The following IGSF9B variants were observed in gnomAD, a reference collection of about 807,000 sequenced individuals.
The protein encoded by IGSF9B is protein turtle homolog B.
A neutral mutation model predicts 143.7 loss-of-function variants in IGSF9B; 48 were observed. The observed-to-expected ratio is 0.33, with a 90% CI of 0.26 to 0.42. The LOEUF (loss-of-function observed/expected upper bound fraction) is 0.42. Ranked by LOEUF, IGSF9B falls within the 20% of genes least tolerant of loss-of-function variation. The probability of loss-of-function intolerance (pLI) is 1.00; values close to 1 mark genes in which losing one functional copy is unlikely to be tolerated. For synonymous variants in IGSF9B, 903 were observed against 833.1 expected, an observed-to-expected ratio of 1.08 and a Z score of -1.44; for missense variants, 1,706 against 1,980.0, an observed-to-expected ratio of 0.86 and a Z score of 2.63.
intron 13 of IGSF9B, 79 bp downstream of exon 13, chr11:133,926,837 C>G (rs329666): frequency 0.042 from 52,035 of 1,252,552 alleles, 1,253 homozygotes; most frequent in Middle Eastern, 0.084. Context: ...CACAGGAGGC[C>G]GACTGCTATA....
chr11:133,956,210 G>A (rs1274885801), intron 1 of IGSF9B, among the ~76,000 whole-genome samples: 2 of 152,138 alleles, frequency 1.3e-5, no homozygotes, highest in Non-Finnish European at 2.9e-5. Context: ...GGCCTTAGAC[G>A]CGGGTGCCGC....
At chr11:133,950,124 C>T (rs1295804499) in intron 1 of IGSF9B, among the ~76,000 whole-genome samples, 1 of 152,190 alleles carries the variant, frequency 6.6e-6, no homozygotes. Flanking sequence ...CCAGGGCTGC[C>T]GTTGGACCCC....
chr11:133,929,257 A>G (rs1843469703), intron 12 of IGSF9B, among the ~76,000 whole-genome samples: 1 of 152,222 alleles, frequency 6.6e-6, no homozygotes, highest in Admixed American at 6.5e-5. Flanking sequence ...ATGTACCCAC[A>G]AAAATTACAA....
In IGSF9B at chr11:133,920,674, T is replaced by C. The variant is rs767195478; in HGVS notation, c.3051A>G (p.Gly1017=). ...GCAGCGTGCTGTTGGATGCATTCTCTCCATTCTCCTCGGGGATGGTGGGGT... is the reference window on the plus strand; with the variant it reads ...GCAGCGTGCTGTTGGATGCATTCTCCCCATTCTCCTCGGGGATGGTGGGGT... ...FGHPTIPEEN[G]ENASNSTLPL... Residue 1017 remains glycine (G), a synonymous_variant, in exon 18 of 20, where the codon GGA becomes GGG. Transcript: ENST00000533871. The C allele has an allele frequency of 1.2e-6, 2 of 1,613,274 alleles. No homozygotes were observed. Among genetic ancestry groups the C allele is most frequent in the Non-Finnish European group, 8.5e-7 (1 of 1,179,716 alleles).
Position 133,922,232 on chromosome 11 carries a change from AAG to A in IGSF9B, c.2282-12_2282-11del, listed in dbSNP as rs1939552798. On this transcript the variant is annotated splice_polypyrimidine_tract_variant and intron_variant, in intron 16 of 19. Transcript: ENST00000533871. ...ATGGAGAGTGGAGGGTCTGGAAGGA[AAG>A]AGAAGGGGAGAGGCTGCTGAGGCCA... The A allele has an allele frequency of 1.2e-6, 2 of 1,611,918 alleles. No homozygotes were observed.
rs551269756 is a variant in IGSF9B, at chr11:133,947,518, C to T, written c.65-1260G>A. On this transcript the variant is annotated intron_variant, in intron 1 of 19. Coordinates refer to ENST00000533871, the MANE Select transcript of IGSF9B (RefSeq NM_001277285.4). ...AGACAGAGAGCCAGCTGGGGACTCC[C>T]GCAGGGGAGGATGCCCAGAGGAGGG... Among the ~76,000 whole-genome samples, 5 of 152,308 alleles carry T rather than the reference C, an allele frequency of 3.3e-5. No individual in the cohort carries two copies. In the South Asian group the frequency reaches 6.2e-4, roughly 19 times the overall value.
At position 133,919,934 on chromosome 11, in the gene IGSF9B, C is replaced by T; in HGVS notation, c.3791G>A (p.Ser1264Asn). The stretch of plus-strand genomic sequence containing the variant: ...GGCGGGCCGGTAGCTGGGACTCCCA[C>T]TGCGGCTGCTCTGGGAGGGGGAGCC... The part of the protein sequence containing the change: ...STGSPSQSSR[S>N]GSPSYRPAMG... Residue 1264 changes from serine (S) to asparagine (N), a missense_variant, in exon 18 of 20, where the codon AGT (serine) becomes AAT (asparagine). Coordinates refer to ENST00000533871, the MANE Select transcript of IGSF9B (RefSeq NM_001277285.4). The T allele has an allele frequency of 1.3e-6, 2 of 1,557,044 alleles. No homozygotes were observed. Among genetic ancestry groups the T allele is most frequent in the Non-Finnish European group, 1.7e-6 (2 of 1,150,642 alleles).
rs1939183215 is a variant in IGSF9B, at chr11:133,904,447, A to G, written c.*4622T>C. On this transcript the variant is annotated 3_prime_UTR_variant, in exon 20 of 20. Transcript: ENST00000533871. ...GCACTTAGTGTTAGAGGCTAATTCT[A>G]GAAGAAGCAAGGAAGATCTAGCTAA... Among the ~76,000 whole-genome samples the G allele has an allele frequency of 6.6e-6, 1 of 152,150 alleles. No homozygotes were observed. Among genetic ancestry groups the G allele is most frequent in the African/African-American group, 2.4e-5 (1 of 41,436 alleles).
chr11:133,932,082 G>A lies in IGSF9B; in HGVS notation c.1099C>T (p.Gln367Ter). The A allele has an allele frequency of 6.2e-7, 1 of 1,613,054 alleles. No individual in the cohort carries two copies. The highest frequency in any genetic ancestry group is 8.5e-7 in the Non-Finnish European group (1 of 1,179,278). ...VKWNKDGRPL[Q>*]VEKNLGWTLM... is the part of the protein sequence containing the mutation. ...CATCTCTCTAGCACCTTCTCAACCT[G>A]CAGGGGACGGCCGTCCTTGTTCCAC... The change falls in exon 8 of 20, where the codon CAG becomes TAG. Residue 367 changes from glutamine (Q) to a stop codon, truncating the protein, a stop_gained. Transcript: ENST00000533871. LOFTEE classifies it high-confidence loss of function.
chr11:133,941,758 C>T (rs539146096), intron 3 of IGSF9B, among the ~76,000 whole-genome samples: 2 of 152,184 alleles, frequency 1.3e-5, no homozygotes, highest in Non-Finnish European at 2.9e-5. Flanking sequence ...ACAGCCTACC[C>T]GTGTTCCCTG....
In IGSF9B at chr11:133,946,689, G is replaced by A. The variant is rs192825037; in HGVS notation, c.65-431C>T. 7.9e-5 allele frequency among the ~76,000 whole-genome samples: 12 copies of A among 152,292 alleles called. No individual in the cohort carries two copies. The East Asian group carries it at 1.4e-3, about 17-fold the overall frequency. ...CGGCACTGCCCAGTTGTGGCCGCTC[G>A]TGCACAGGGAACATTCTTTCTGCTC... On this transcript the variant is annotated intron_variant, in intron 1 of 19. Transcript: ENST00000533871.
In IGSF9B at chr11:133,945,752, G is replaced by A. The variant is rs1940035862; in HGVS notation, c.262+309C>T. Among the ~76,000 whole-genome samples, 1 of 152,142 alleles carries A rather than the reference G, an allele frequency of 6.6e-6. No homozygotes were observed. Among genetic ancestry groups the A allele is most frequent in the Admixed American group, 6.5e-5 (1 of 15,282 alleles). On this transcript the variant is annotated intron_variant, in intron 2 of 19. Coordinates refer to ENST00000533871, the MANE Select transcript of IGSF9B (RefSeq NM_001277285.4). The surrounding 1 kb of genome is among the most constrained non-coding windows in gnomAD (Gnocchi z 4.6). The stretch of plus-strand genomic sequence containing the variant: ...GGGAGAGCCGTGCTGGCCCAGGGCT[G>A]CCTGACTCAGTCTGCTGTCCTCTCC...
At position 133,950,952 on chromosome 11, in the gene IGSF9B, C is replaced by T. The variant is rs577157973; in HGVS notation, c.65-4694G>A. 8.5e-5 allele frequency among the ~76,000 whole-genome samples: 13 copies of T among 152,248 alleles called. No individual in the cohort carries two copies. In the South Asian group the frequency reaches 1.5e-3, roughly 17 times the overall value. Reference sequence around the variant, plus strand: ...GTCTAATAATACCAGCGACAGCCACCGCCACCTCCATCTGCCAGCCTAAAA... The same window carrying T: ...GTCTAATAATACCAGCGACAGCCACTGCCACCTCCATCTGCCAGCCTAAAA... On this transcript the variant is annotated intron_variant, in intron 1 of 19. Coordinates refer to ENST00000533871, the MANE Select transcript of IGSF9B (RefSeq NM_001277285.4).
At chr11:133,941,301 G>A (rs1433455762) in intron 3 of IGSF9B, among the ~76,000 whole-genome samples, 1 of 152,170 alleles carries the variant, frequency 6.6e-6, no homozygotes, top group Non-Finnish European at 1.5e-5. Context: ...AGGAAGGCTT[G>A]GCTCAGGCTT....
intron 18 of IGSF9B, 103 bp from the exon 19 acceptor site, chr11:133,912,110 G>T: frequency 1.5e-6 from 2 of 1,361,842 alleles, no homozygotes; most frequent in Non-Finnish European, 2.0e-6. Flanking sequence ...GAAGGACAGA[G>T]TTCAGTCCTA....
chr11:133,927,092 C>A lies in IGSF9B; in HGVS notation c.1632-1G>T. ...GGGCCCAAACTGTGCCCGCTTCATC[C>A]TGGCCAAAAGAGAGAGACAGGATAG... On this transcript the variant is annotated splice_acceptor_variant, in intron 12 of 19. Coordinates refer to ENST00000533871, the MANE Select transcript of IGSF9B (RefSeq NM_001277285.4). LOFTEE classifies it high-confidence loss of function. The A allele has an allele frequency of 6.5e-7, 1 of 1,550,148 alleles. No individual in the cohort carries two copies. The highest frequency in any genetic ancestry group is 8.7e-7 in the Non-Finnish European group (1 of 1,144,792).
At position 133,900,040 on chromosome 11, in the gene IGSF9B, C is replaced by A. The variant is rs1939092895; in HGVS notation, c.*9029G>T. 6.6e-6 allele frequency: 1 copy of A among 152,226 alleles called. No individual in the cohort carries two copies. Among genetic ancestry groups the A allele is most frequent in the Admixed American group, 6.6e-5 (1 of 15,262 alleles). The allele number at this position is 152,226 out of a possible 1,614,324, so 9.4% of individuals were successfully genotyped here. ...TAATTTGAGGACCCAAGGACAGTGCCTGACTGAATGGCAGGGCCTCATAGG... is the reference window on the plus strand; with the variant it reads ...TAATTTGAGGACCCAAGGACAGTGCATGACTGAATGGCAGGGCCTCATAGG... On this transcript the variant is annotated 3_prime_UTR_variant, in exon 20 of 20. Coordinates refer to ENST00000533871, the MANE Select transcript of IGSF9B (RefSeq NM_001277285.4).
At chr11:133,952,773 A>G (rs544817266) in intron 1 of IGSF9B, among the ~76,000 whole-genome samples, 1 of 149,214 alleles carries the variant, frequency 6.7e-6, no homozygotes, top group South Asian at 2.1e-4. Flanking sequence ...ACATGTGTGT[A>G]TGCGCACACA....
At position 133,953,216 on chromosome 11, in the gene IGSF9B, C is replaced by A. The variant is rs1049685850; in HGVS notation, c.64+3475G>T. Among the ~76,000 whole-genome samples, 1 of 152,170 alleles carries A rather than the reference C, an allele frequency of 6.6e-6. No individual in the cohort carries two copies. The highest frequency in any genetic ancestry group is 2.4e-5 in the African/African-American group (1 of 41,434). ...GTAACCAGATTCCAGCCTTCTGTCT[C>A]AGAGCCATAAACACGAAACCACTCA... is the stretch of plus-strand genomic sequence containing the variant. On this transcript the variant is annotated intron_variant, in intron 1 of 19. Transcript: ENST00000533871. The surrounding 1 kb of genome is among the most constrained non-coding windows in gnomAD (Gnocchi z 4.2).
Sources: allele counts gnomAD v4.1 joint callset (sites outside exome capture counted in the v4.1 genomes callset), GRCh38; gene constraint gnomAD v4.1.1; non-coding constraint Gnocchi (gnomAD v3.1); transcripts MANE v1.5; gene names NCBI Gene and HGNC (gene_info 2026-07-23, HGNC 2026-07-21).